The following TAFA2 variants were observed in gnomAD, a reference collection of about 807,000 sequenced individuals.
The protein encoded by TAFA2 is chemokine-like protein TAFA-2.
Under a neutral mutation model 18.8 loss-of-function variants are expected in TAFA2, and 7 were observed. The observed-to-expected ratio is 0.37, with a 90% CI of 0.21 to 0.70. TAFA2 has a LOEUF of 0.70. Ranked by LOEUF, TAFA2 falls within the 30% of genes least tolerant of loss-of-function variation. The pLI is 0.53. For synonymous variants in TAFA2, 60 were observed against 54.2 expected, an observed-to-expected ratio of 1.11 and a Z score of -0.47; for missense variants, 122 against 158.1, an observed-to-expected ratio of 0.77 and a Z score of 1.23.
At chr12:61,988,209 G>A (rs1041110784) in intron 1 of TAFA2, among the ~76,000 whole-genome samples, 1 of 152,012 alleles carries the variant, frequency 6.6e-6, no homozygotes, top group African/African-American at 2.4e-5. Context: ...GGAAATTATT[G>A]CCTTGTCGGT....
chr12:62,257,488 G>C (rs983067851), intron 1 of TAFA2, among the ~76,000 whole-genome samples: 1 of 152,056 alleles, frequency 6.6e-6, no homozygotes, highest in African/African-American at 2.4e-5. Context: ...TAAAGGAATT[G>C]TTTAAATATC....
At chr12:61,939,183 G>A (rs1251106025) in intron 1 of TAFA2, among the ~76,000 whole-genome samples, 1 of 152,168 alleles carries the variant, frequency 6.6e-6, no homozygotes, top group Non-Finnish European at 1.5e-5. Flanking sequence ...TATCTGGAAA[G>A]TAATTTGAAT....
chr12:62,206,064 G>A (rs1035635009), intron 1 of TAFA2, among the ~76,000 whole-genome samples: 8 of 152,170 alleles, frequency 5.3e-5, no homozygotes, highest in Admixed American at 6.5e-5. Context: ...TAGTCAGTCC[G>A]AATGAGAGAA....
chr12:62,091,911 G>T (rs183714216), intron 1 of TAFA2, among the ~76,000 whole-genome samples: 5 of 152,096 alleles, frequency 3.3e-5, no homozygotes, highest in African/African-American at 9.6e-5. Flanking sequence ...GCTGTCGACA[G>T]AGTATCAAGT....
At chr12:61,994,403 C>G (rs1267959941) in intron 1 of TAFA2, among the ~76,000 whole-genome samples, 1 of 152,174 alleles carries the variant, frequency 6.6e-6, no homozygotes, top group Non-Finnish European at 1.5e-5. Flanking sequence ...CAAGACTTCT[C>G]TCAAGACCTC....
chr12:61,864,410 A>G (rs1237323171), intron 2 of TAFA2, among the ~76,000 whole-genome samples: 1 of 148,406 alleles, frequency 6.7e-6, no homozygotes, highest in African/African-American at 2.5e-5. Context: ...GTATATATAT[A>G]TTTCTATATA....
chr12:62,068,577 C>T (rs559673976), intron 1 of TAFA2, among the ~76,000 whole-genome samples: 1 of 152,242 alleles, frequency 6.6e-6, no homozygotes, highest in South Asian at 2.1e-4. Context: ...GCAAGGGGCT[C>T]ATCTATCATG....
chr12:61,797,109 A>G (rs1871218928), intron 2 of TAFA2, among the ~76,000 whole-genome samples: 1 of 152,170 alleles, frequency 6.6e-6, no homozygotes, highest in African/African-American at 2.4e-5. Context: ...AGCTGATTTC[A>G]CTGAGCAATT....
At chr12:62,073,380 A>G (rs1882682475) in intron 1 of TAFA2, among the ~76,000 whole-genome samples, 2 of 151,880 alleles carry the variant, frequency 1.3e-5, no homozygotes, top group Non-Finnish European at 2.9e-5. Context: ...TATTATAGAT[A>G]AGAAAACACC....
At chr12:61,997,048 T>C (rs1450189272) in intron 1 of TAFA2, among the ~76,000 whole-genome samples, 2 of 152,014 alleles carry the variant, frequency 1.3e-5, no homozygotes, top group Non-Finnish European at 2.9e-5. Context: ...AATCCACCCT[T>C]TCTGGAGGTT....
At chr12:61,973,209 A>T (rs1004322429) in intron 1 of TAFA2, among the ~76,000 whole-genome samples, 6 of 151,638 alleles carry the variant, frequency 4.0e-5, no homozygotes, top group African/African-American at 4.8e-5. Context: ...ATGCAAATTA[A>T]AAGTGCACAT....
intron 1 of TAFA2, among the ~76,000 whole-genome samples, chr12:62,179,055 T>C (rs189737360): frequency 2.2e-4 from 33 of 152,344 alleles, no homozygotes; most frequent in Admixed American, 1.2e-3. Context: ...ATCACTTGCA[T>C]ACAAATGTTT....
At chr12:61,779,976 T>C (rs971427932) in intron 2 of TAFA2, among the ~76,000 whole-genome samples, 1 of 151,844 alleles carries the variant, frequency 6.6e-6, no homozygotes, top group African/African-American at 2.4e-5. Flanking sequence ...CAAAACTTTC[T>C]AACCAGAAGT....
At chr12:62,144,354 A>G (rs2062264105) in intron 1 of TAFA2, among the ~76,000 whole-genome samples, 1 of 152,188 alleles carries the variant, frequency 6.6e-6, no homozygotes, top group Non-Finnish European at 1.5e-5. Flanking sequence ...GCATGCAGTC[A>G]TGACTGGATA....
intron 1 of TAFA2, among the ~76,000 whole-genome samples, chr12:62,065,325 G>C (rs1400040132): frequency 6.6e-6 from 1 of 152,004 alleles, no homozygotes; most frequent in South Asian, 2.1e-4. Context: ...AATATGAGTA[G>C]TAAACAGGAA....
chr12:62,175,923 A>T (rs957732363), intron 1 of TAFA2, among the ~76,000 whole-genome samples: 1 of 150,616 alleles, frequency 6.6e-6, no homozygotes, highest in Non-Finnish European at 1.5e-5. Flanking sequence ...CTCATCTATT[A>T]AAAAAAAAGA....
At chr12:61,842,643 A>G (rs985152491) in intron 2 of TAFA2, among the ~76,000 whole-genome samples, 1 of 152,102 alleles carries the variant, frequency 6.6e-6, no homozygotes, top group Non-Finnish European at 1.5e-5. Context: ...AACAAATCCA[A>G]TGATACTTAC....
intron 1 of TAFA2, among the ~76,000 whole-genome samples, chr12:62,237,445 G>A (rs1302720016): frequency 6.6e-6 from 1 of 152,174 alleles, no homozygotes; most frequent in African/African-American, 2.4e-5. Context: ...TTGTTTTGCT[G>A]TGTTATCTTG....
intron 2 of TAFA2, among the ~76,000 whole-genome samples, chr12:61,830,868 A>T (rs780988936): frequency 3.3e-5 from 5 of 151,824 alleles, no homozygotes; most frequent in Admixed American, 2.6e-4. Context: ...TCAGCTGAAT[A>T]TTTTTTTTAA....
Sources: gnomAD v4.1 joint callset for allele counts (sites outside exome capture counted in the v4.1 genomes callset) on GRCh38, gnomAD v4.1.1 for gene constraint, MANE v1.5 for transcripts, NCBI Gene and HGNC (gene_info 2026-07-23, HGNC 2026-07-21) for gene names.